Variants in LRMDA observed in about 807,000 individuals in gnomAD.
LRMDA encodes the protein leucine-rich melanocyte differentiation-associated protein.
A neutral mutation model predicts 29.8 loss-of-function variants in LRMDA; 18 were observed. That is an observed-to-expected ratio of 0.60 (90% confidence interval 0.42 to 0.90). The LOEUF is 0.90. LRMDA is among the 40% of genes least tolerant of loss of function. The pLI, the probability that LRMDA is intolerant of heterozygous loss-of-function variation, is 0.00. For missense variants in LRMDA, 273 were observed against 273.9 expected (o/e 1.00, Z 0.02); for synonymous variants, 125 against 109.4 (o/e 1.14, Z -0.89).
At chr10:76,222,784 A>G (rs1206858374) in intron 5 of LRMDA, among the ~76,000 whole-genome samples, 3 of 152,194 alleles carry the variant, frequency 2.0e-5, no homozygotes, top group Non-Finnish European at 2.9e-5. Context: ...CCAAAGGACT[A>G]TATATCATGC....
At chr10:75,691,170 C>A (rs1490913705) in intron 2 of LRMDA, among the ~76,000 whole-genome samples, 5 of 82,456 alleles carry the variant, frequency 6.1e-5, no homozygotes, top group African/African-American at 2.1e-4. Context: ...ATATATAGAT[C>A]TATATATCTA....
intron 5 of LRMDA, among the ~76,000 whole-genome samples, chr10:76,256,638 T>A (rs115592302): frequency 1.7e-3 from 261 of 152,342 alleles, no homozygotes; most frequent in African/African-American, 5.9e-3. Context: ...AAAATACTCA[T>A]CTCTGGAAAA....
chr10:75,481,559 G>T (rs1833882480), intron 2 of LRMDA, among the ~76,000 whole-genome samples: 2 of 152,176 alleles, frequency 1.3e-5, no homozygotes, highest in South Asian at 4.1e-4. Context: ...GTTAGTCCAA[G>T]CCATCGTCAT....
At chr10:76,462,794 C>T (rs956723121) in intron 6 of LRMDA, among the ~76,000 whole-genome samples, 4 of 152,156 alleles carry the variant, frequency 2.6e-5, no homozygotes, top group Admixed American at 2.0e-4. Context: ...TGGGAAAGCA[C>T]ACAGGGAACA....
rs1171910153 is a variant in LRMDA, at chr10:75,438,442, A to G, written c.79A>G (p.Arg27Gly). The G allele has an allele frequency of 1.3e-6, 2 of 1,550,898 alleles. No individual in the cohort carries two copies. The highest frequency in any genetic ancestry group is 1.7e-6 in the Non-Finnish European group (2 of 1,147,078). Residue 27 changes from arginine (R) to glycine (G), a missense_variant, in exon 2 of 7, where the codon AGG (arginine) becomes GGG (glycine). By Grantham distance (125) the Arg-to-Gly change is moderately radical. Coordinates refer to ENST00000611255, the MANE Select transcript of LRMDA (RefSeq NM_001305581.2). ...DCREIPEHLG[R>G]DCGHFAKRLD... ...CAGAGAAATTCCAGAGCACCTTGGC[A>G]GGGACTGTGGACATTTCGCAAAGAG...
chr10:75,498,871 CTCTCCG>C (rs1414537762), intron 2 of LRMDA, among the ~76,000 whole-genome samples: 4 of 152,086 alleles, frequency 2.6e-5, no homozygotes, highest in Admixed American at 2.0e-4. Context: ...TCCACGAATC[CTCTCCG>C]TCTCAGAAGC....
intron 2 of LRMDA, among the ~76,000 whole-genome samples, chr10:75,499,861 A>G (rs1845092544): frequency 6.6e-6 from 1 of 152,188 alleles, no homozygotes; most frequent in Admixed American, 6.5e-5. Context: ...CCAGATCCCC[A>G]GGTTTGGCTG....
intron 2 of LRMDA, among the ~76,000 whole-genome samples, chr10:75,555,830 G>A (rs182230053): frequency 2.6e-5 from 4 of 152,238 alleles, no homozygotes; most frequent in Admixed American, 1.3e-4. Flanking sequence ...GGACATAAAG[G>A]GAAATACATT....
chr10:76,148,116 AG>A (rs1187541495), intron 5 of LRMDA, among the ~76,000 whole-genome samples: 3 of 152,128 alleles, frequency 2.0e-5, no homozygotes, highest in African/African-American at 7.2e-5. Flanking sequence ...CCTCCCCGTT[AG>A]GCTACTCGGA....
chr10:75,637,325 T>C (rs1311894706), intron 2 of LRMDA, among the ~76,000 whole-genome samples: 1 of 152,204 alleles, frequency 6.6e-6, no homozygotes, highest in Non-Finnish European at 1.5e-5. Flanking sequence ...AAAGTTGTGC[T>C]GTTGCAGGAA....
intron 5 of LRMDA, among the ~76,000 whole-genome samples, chr10:76,185,149 A>G (rs1372018727): frequency 2.6e-5 from 4 of 152,202 alleles, no homozygotes. Context: ...CAAAATGGAC[A>G]ATGGTCAGTA....
chr10:76,139,134 C>T (rs1850151974), intron 5 of LRMDA, among the ~76,000 whole-genome samples: 1 of 152,128 alleles, frequency 6.6e-6, no homozygotes, highest in African/African-American at 2.4e-5. Flanking sequence ...AGACAGAGAA[C>T]ATTAGACTTC....
chr10:75,557,108 G>T (rs1380310684), intron 2 of LRMDA, among the ~76,000 whole-genome samples: 2 of 152,006 alleles, frequency 1.3e-5, no homozygotes, highest in Non-Finnish European at 2.9e-5. Context: ...GAGGTCAGGA[G>T]TTCGAGACCA....
chr10:76,410,532 C>T (rs531796167), intron 6 of LRMDA, among the ~76,000 whole-genome samples: 2 of 152,036 alleles, frequency 1.3e-5, no homozygotes, highest in East Asian at 3.9e-4. Context: ...TAGTCTTGAA[C>T]TCCTAGGCTT....
chr10:76,269,682 G>A (rs1283003613), intron 5 of LRMDA, among the ~76,000 whole-genome samples: 3 of 152,178 alleles, frequency 2.0e-5, no homozygotes, highest in Non-Finnish European at 4.4e-5. Context: ...AATAATAGCA[G>A]TAACAACAAT....
At chr10:75,438,872 G>T (rs1449557904) in intron 2 of LRMDA, among the ~76,000 whole-genome samples, 1 of 152,208 alleles carries the variant, frequency 6.6e-6, no homozygotes, top group Non-Finnish European at 1.5e-5. Context: ...GTGTCTAGGT[G>T]TGCTTTCTTA....
intron 5 of LRMDA, among the ~76,000 whole-genome samples, chr10:76,262,103 G>A (rs1464251980): frequency 2.6e-5 from 4 of 152,064 alleles, no homozygotes; most frequent in Non-Finnish European, 5.9e-5. Flanking sequence ...ATCAGATGTG[G>A]TGGTATACAC....
In LRMDA at chr10:75,839,808, G is replaced by A. The variant is rs531620461; in HGVS notation, c.132-196200G>A. Among the ~76,000 whole-genome samples the A allele has an allele frequency of 2.9e-3, 423 of 145,736 alleles. 1 individual carries two copies. The highest frequency in any genetic ancestry group is 4.9e-3 in the Non-Finnish European group (332 of 67,290). Reference sequence around the variant, plus strand: ...ACTGCAAGCTCTTCCTCCCAGGTTCGCGCCATTCTTCTGCCTCAGCCTCCC... The same window carrying A: ...ACTGCAAGCTCTTCCTCCCAGGTTCACGCCATTCTTCTGCCTCAGCCTCCC... On this transcript the variant is annotated intron_variant, in intron 2 of 6. Coordinates refer to ENST00000611255, the MANE Select transcript of LRMDA (RefSeq NM_001305581.2).
At chr10:75,867,312 G>A (rs572058169) in intron 2 of LRMDA, among the ~76,000 whole-genome samples, 142 of 152,122 alleles carry the variant, frequency 9.3e-4, no homozygotes, top group African/African-American at 3.4e-3. Context: ...ACAGGCACCC[G>A]CCACCACGCC....
Sources: allele counts gnomAD v4.1 joint callset (sites outside exome capture counted in the v4.1 genomes callset), GRCh38; gene constraint gnomAD v4.1.1; transcripts MANE v1.5; gene names NCBI Gene and HGNC (gene_info 2026-07-23, HGNC 2026-07-21).